PIK3C2A: variants seen among roughly 807,000 people sequenced by gnomAD.
PIK3C2A encodes phosphatidylinositol 4-phosphate 3-kinase C2 domain-containing subunit alpha.
Under a neutral mutation model 204.5 loss-of-function variants are expected in PIK3C2A, and 97 were observed. That is an observed-to-expected ratio of 0.47 (90% CI 0.40 to 0.56). The LOEUF is 0.56. Ranked by LOEUF, PIK3C2A falls within the 20% of genes least tolerant of loss-of-function variation. The probability of loss-of-function intolerance (pLI) is 0.00; values close to 1 mark genes in which losing one functional copy is unlikely to be tolerated. For missense variants in PIK3C2A, 1,735 were observed against 1,969.2 expected (o/e 0.88, Z 2.25); for synonymous variants, 653 against 664.4 (o/e 0.98, Z 0.26).
intron 14 of PIK3C2A, 78 bp from the exon 15 acceptor site, chr11:17,122,411 G>C (rs1849395034): frequency 1.1e-6 from 1 of 879,252 alleles, no homozygotes; most frequent in African/African-American, 1.7e-5. Context: ...TAAGAAAACA[G>C]ATTTTTCTTA....
intron 2 of PIK3C2A, among the ~76,000 whole-genome samples, chr11:17,165,269 G>A (rs1415297239): frequency 2.0e-5 from 3 of 152,124 alleles, no homozygotes; most frequent in Admixed American, 2.0e-4. Context: ...GTCCAAGGGG[G>A]AAAGTTTTGA....
intron 2 of PIK3C2A, among the ~76,000 whole-genome samples, chr11:17,168,269 G>A (rs994316445): frequency 6.6e-6 from 1 of 152,076 alleles, no homozygotes; most frequent in African/African-American, 2.4e-5. Context: ...AATTCAAAGT[G>A]AAAAATATTT....
chr11:17,110,033 G>T (rs1187413434), intron 22 of PIK3C2A, among the ~76,000 whole-genome samples: 1 of 151,928 alleles, frequency 6.6e-6, no homozygotes, highest in African/African-American at 2.4e-5. Context: ...GCTCACTGCA[G>T]CCTCCGCCTC....
At chr11:17,144,894 C>CAAAAAAAAA (rs35069519) in intron 8 of PIK3C2A, among the ~76,000 whole-genome samples, 1 of 78,128 alleles carries the variant, frequency 1.3e-5, no homozygotes, top group Admixed American at 1.3e-4. Context: ...GACTCAGCCT[C>CAAAAAAAAA]AAAAAAAAAA....
intron 26 of PIK3C2A, among the ~76,000 whole-genome samples, chr11:17,098,829 T>C (rs1565238119): frequency 6.6e-6 from 1 of 152,132 alleles, no homozygotes. Flanking sequence ...GCTGTGGTAT[T>C]GTGATGATGT....
chr11:17,183,970 G>A (rs1005010618), intron 1 of PIK3C2A, among the ~76,000 whole-genome samples: 1 of 151,430 alleles, frequency 6.6e-6, no homozygotes, highest in Non-Finnish European at 1.5e-5. Flanking sequence ...GCCAGGCATG[G>A]TGGCACATGC....
At chr11:17,170,944 A>T (rs1306855410) in intron 1 of PIK3C2A, among the ~76,000 whole-genome samples, 2 of 152,142 alleles carry the variant, frequency 1.3e-5, no homozygotes, top group Non-Finnish European at 2.9e-5. Flanking sequence ...TCTACTAAAT[A>T]TACAAAAAAT....
chr11:17,103,219 T>C (rs1848699378), intron 23 of PIK3C2A, among the ~76,000 whole-genome samples: 2 of 151,836 alleles, frequency 1.3e-5, no homozygotes, highest in Non-Finnish European at 2.9e-5. Context: ...TTTTGCTTTT[T>C]TTCCTCTGCC....
At chr11:17,110,788 T>G (rs1327121287) in intron 21 of PIK3C2A, among the ~76,000 whole-genome samples, 1 of 152,184 alleles carries the variant, frequency 6.6e-6, no homozygotes, top group East Asian at 1.9e-4. Flanking sequence ...AACTGCCTTT[T>G]TATTTTTCTG....
Position 17,199,268 on chromosome 11 carries a change from TTGC to T in PIK3C2A, c.-66+8577_-66+8579del, listed in dbSNP as rs1852279367. Among the ~76,000 whole-genome samples the T allele has an allele frequency of 2.0e-5, 3 of 152,306 alleles. No homozygotes were observed. In the South Asian group the frequency reaches 6.2e-4, roughly 32 times the overall value. On this transcript the variant is annotated intron_variant, in intron 1 of 32. Transcript: ENST00000691414. ...GTAGAAAAAGTGGAACCCTGATACT[TTGC>T]TGCTAAGGGAATGTAAAATGGTACA...
At chr11:17,201,663 ATCT>A (rs748018143) in intron 1 of PIK3C2A, among the ~76,000 whole-genome samples, 7 of 151,920 alleles carry the variant, frequency 4.6e-5, no homozygotes, top group East Asian at 1.9e-4. Flanking sequence ...ACACCTCATC[ATCT>A]TCTTCTTCCT....
intron 5 of PIK3C2A, 137 bp downstream of exon 5, chr11:17,148,530 A>G: frequency 1.4e-6 from 1 of 723,798 alleles, no homozygotes; most frequent in Non-Finnish European, 2.2e-6. Flanking sequence ...ATTTCAATAA[A>G]AGTTTATTGA....
intron 1 of PIK3C2A, among the ~76,000 whole-genome samples, chr11:17,200,980 C>T (rs1038620155): frequency 2.0e-5 from 3 of 151,890 alleles, no homozygotes; most frequent in South Asian, 2.1e-4. Flanking sequence ...CAGATGTGGG[C>T]GGATCACTTC....
rs767057030 is a variant in PIK3C2A, at chr11:17,114,449, C to T, written c.3233G>A (p.Ser1078Asn). 6.5e-7 allele frequency: 1 copy of T among 1,548,812 alleles called. No individual in the cohort carries two copies. The highest frequency in any genetic ancestry group is 1.1e-5 in the South Asian group (1 of 89,270). ...AAAAAAGGACTGTACTCGTTCCATA[C>T]TTCTTTGGAGAACAACCTATAGAAA... ...GSARQVVLQR[S>N]MERVQSFFQK... The change falls in exon 20 of 33, where the codon AGT (serine) becomes AAT (asparagine). Residue 1078 changes from serine to asparagine, a missense_variant. Physicochemically the swap from Ser to Asn is conservative, Grantham distance 46. This residue lies in a region of PIK3C2A where 567 missense variants were observed against 576.0 expected (regional missense o/e 0.98). Coordinates refer to ENST00000691414, the MANE Select transcript of PIK3C2A (RefSeq NM_002645.4).
At position 17,092,198 on chromosome 11, in the gene PIK3C2A, GTAAC is replaced by G; in HGVS notation, c.4526_4529del (p.Ser1509ThrfsTer5). The G allele has an allele frequency of 6.2e-7, 1 of 1,606,270 alleles. No homozygotes were observed. The highest frequency in any genetic ancestry group is 2.2e-5 in the East Asian group (1 of 44,782). ...TTGAAGCATTCATCAAACTCTGTAA[GTAAC>G]TGTTTAACTCAATTTTCCTTTTGGC... On this transcript the variant is annotated frameshift_variant, in exon 29 of 33. Coordinates refer to ENST00000691414, the MANE Select transcript of PIK3C2A (RefSeq NM_002645.4). LOFTEE classifies it high-confidence loss of function.
Position 17,155,586 on chromosome 11 carries a change from A to G in PIK3C2A, c.1109T>C (p.Leu370Pro), listed in dbSNP as rs1371624472. The G allele has an allele frequency of 6.2e-7, 1 of 1,609,432 alleles. No homozygotes were observed. Among genetic ancestry groups the G allele is most frequent in the African/African-American group, 1.3e-5 (1 of 74,968 alleles). Reference protein sequence around the residue: ...GTSSLPTGSSLLQEVEVQNEE... With the variant: ...GTSSLPTGSSPLQEVEVQNEE... Reference sequence around the variant, plus strand: ...ATTCTGTACTTCAACTTCTTGAAGAAGAGAACTTCCAGTTGGCAAACTACT... The same window carrying G: ...ATTCTGTACTTCAACTTCTTGAAGAGGAGAACTTCCAGTTGGCAAACTACT... The change falls in exon 3 of 33, where the codon CTT (leucine) becomes CCT (proline). Residue 370 changes from leucine (L) to proline (P), a missense_variant. By Grantham distance (98) the Leu-to-Pro change is moderately conservative. Transcript: ENST00000691414.
chr11:17,190,944 T>C (rs1851919218), intron 1 of PIK3C2A, among the ~76,000 whole-genome samples: 1 of 152,108 alleles, frequency 6.6e-6, no homozygotes, highest in South Asian at 2.1e-4. Context: ...TGGCCAGAAC[T>C]TTCCACAAAG....
rs1416264792 is a variant in PIK3C2A at position 17,117,559 on chromosome 11, T to C, written c.3148A>G (p.Thr1050Ala). 2 of 1,613,910 alleles carry C rather than the reference T, an allele frequency of 1.2e-6. No individual in the cohort carries two copies. The highest frequency in any genetic ancestry group is 1.7e-6 in the Non-Finnish European group (2 of 1,179,922). ...KRLREELLKQ[T>A]KLVQLLGGVA... The stretch of plus-strand genomic sequence containing the variant: ...CCTCCTAAAAGCTGTACAAGTTTCG[T>C]CTGTTTTAGAAGTTCTTCTCTAAGT... Residue 1050 changes from threonine (T) to alanine (A), a missense_variant, in exon 19 of 33, where the codon ACG becomes GCG. Physicochemically the swap from Thr to Ala is moderately conservative, Grantham distance 58. Around this residue, in one of 6 missense-constraint regions of PIK3C2A, gnomAD observed 567 missense variants for 576.0 expected, o/e 0.98. Coordinates refer to ENST00000691414, the MANE Select transcript of PIK3C2A (RefSeq NM_002645.4).
intron 13 of PIK3C2A, among the ~76,000 whole-genome samples, chr11:17,127,411 C>A (rs1590938304): frequency 6.6e-6 from 1 of 152,048 alleles, no homozygotes; most frequent in Admixed American, 6.6e-5. Context: ...CAGCCTCAAG[C>A]AATTCTCTTG....
Sources: allele counts gnomAD v4.1 joint callset (sites outside exome capture counted in the v4.1 genomes callset), GRCh38; gene constraint gnomAD v4.1.1; regional missense constraint gnomAD v4.1.1; transcripts MANE v1.5; gene names NCBI Gene and HGNC (gene_info 2026-07-23, HGNC 2026-07-21).